Variants in ARPC3 observed in about 807,000 individuals in gnomAD.
ARPC3 encodes the protein actin-related protein 2/3 complex subunit 3.
A neutral mutation model predicts 27.6 loss-of-function variants in ARPC3; 12 were observed. The observed-to-expected ratio is 0.43, with a 90% CI of 0.28 to 0.70. The LOEUF is 0.70. Among genes scored for constraint, ARPC3 ranks in the 30% least tolerant of loss-of-function variants. The pLI is 0.17. For missense variants in ARPC3, 153 were observed against 207.7 expected, an observed-to-expected ratio of 0.74 and a Z score of 1.62; for synonymous variants, 53 against 67.2, an observed-to-expected ratio of 0.79 and a Z score of 1.03.
intron 3 of ARPC3, 131 bp from the exon 4 acceptor site, chr12:110,437,283 C>T: frequency 1.4e-6 from 1 of 699,084 alleles, no homozygotes; most frequent in Admixed American, 2.1e-5. Flanking sequence ...CACATCAAAA[C>T]TCCCATTCTC....
At chr12:110,444,264 C>A (rs938667006) in intron 2 of ARPC3, among the ~76,000 whole-genome samples, 3 of 151,738 alleles carry the variant, frequency 2.0e-5, no homozygotes, top group African/African-American at 7.3e-5. Context: ...AGCCATCACG[C>A]CTGGCCTTTG....
Position 110,434,914 on chromosome 12 carries a change from ATTTC to A in ARPC3, c.*237_*240del, listed in dbSNP as rs1409538100. ...GTTTTTCTGACATGGAATGTTAGAA[ATTTC>A]TTTATTATTACTTATTCTTATTAAG... On this transcript the variant is annotated 3_prime_UTR_variant, in exon 7 of 7. Coordinates refer to ENST00000228825, the MANE Select transcript of ARPC3 (RefSeq NM_001278556.2). 7 of 669,144 alleles carry A rather than the reference ATTTC, an allele frequency of 1.0e-5. No homozygotes were observed. Among genetic ancestry groups the A allele is most frequent in the Admixed American group, 2.2e-5 (1 of 45,156 alleles). The allele number at this position is 669,144 out of a possible 1,614,324, so 41.5% of individuals were successfully genotyped here.
At chr12:110,447,913 G>A (rs2062475079) in intron 1 of ARPC3, among the ~76,000 whole-genome samples, 1 of 128,300 alleles carries the variant, frequency 7.8e-6, no homozygotes. Context: ...TTTTTTTGGA[G>A]ACAGAGTTTC....
intron 2 of ARPC3, among the ~76,000 whole-genome samples, chr12:110,441,867 C>T (rs746999030): frequency 6.6e-6 from 1 of 151,446 alleles, no homozygotes; most frequent in Non-Finnish European, 1.5e-5. Flanking sequence ...TGCGCCTCTA[C>T]TAAAAATACA....
At chr12:110,436,410 TG>T (rs2062403974) in intron 5 of ARPC3, 146 bp downstream of exon 5, 1 of 1,397,384 alleles carries the variant, frequency 7.2e-7, no homozygotes, top group African/African-American at 1.4e-5. Context: ...AAGAATCGTT[TG>T]TGAGAGTGAC....
chr12:110,437,670 G>A (rs1289639263), intron 3 of ARPC3, among the ~76,000 whole-genome samples: 2 of 151,916 alleles, frequency 1.3e-5, no homozygotes. Flanking sequence ...GCTCGGCTGA[G>A]TGGCTGCTCT....
At chr12:110,446,599 G>C (rs1411265152) in intron 1 of ARPC3, among the ~76,000 whole-genome samples, 1 of 143,620 alleles carries the variant, frequency 7.0e-6, no homozygotes, top group African/African-American at 2.6e-5. Flanking sequence ...ACTGCACTTG[G>C]CCTACTTCCT....
At chr12:110,443,388 A>C (rs2062448388) in intron 2 of ARPC3, among the ~76,000 whole-genome samples, 1 of 151,956 alleles carries the variant, frequency 6.6e-6, no homozygotes, top group Admixed American at 6.6e-5. Flanking sequence ...AAAGTGCTAA[A>C]GTACTGGGAT....
intron 2 of ARPC3, chr12:110,442,910 C>G (rs989616336): frequency 6.6e-6 from 1 of 151,948 alleles, no homozygotes; most frequent in Non-Finnish European, 1.5e-5. Context: ...GGTCAAAATC[C>G]CAGGGTCTTG....
intron 1 of ARPC3, among the ~76,000 whole-genome samples, chr12:110,448,415 G>A (rs2062477690): frequency 6.6e-6 from 1 of 152,098 alleles, no homozygotes; most frequent in African/African-American, 2.4e-5. Context: ...GGTGGCTCAT[G>A]TCTGTAATCC....
At chr12:110,437,775 A>T (rs1263637120) in intron 3 of ARPC3, among the ~76,000 whole-genome samples, 1 of 152,150 alleles carries the variant, frequency 6.6e-6, no homozygotes, top group South Asian at 2.1e-4. Context: ...AGCTGCCTGG[A>T]AAGCCTGAAC....
chr12:110,446,407 C>T (rs2062464897), intron 1 of ARPC3, among the ~76,000 whole-genome samples: 1 of 151,376 alleles, frequency 6.6e-6, no homozygotes, highest in Non-Finnish European at 1.5e-5. Context: ...AAGTGATTCT[C>T]CTGCCTCAGC....
At chr12:110,439,911 G>T (rs1372006513) in intron 3 of ARPC3, among the ~76,000 whole-genome samples, 1 of 152,194 alleles carries the variant, frequency 6.6e-6, no homozygotes, top group African/African-American at 2.4e-5. Context: ...CTAGCAAGGG[G>T]TTGGCAAACT....
chr12:110,445,348 A>G (rs2062458394), intron 2 of ARPC3, 104 bp downstream of exon 2: 1 of 892,208 alleles, frequency 1.1e-6, no homozygotes, highest in African/African-American at 1.6e-5. Context: ...GTACAAGGGC[A>G]ATTTGAGAGA....
chr12:110,446,738 A>G lies in ARPC3; in HGVS notation c.7-1187T>C, dbSNP rs1390753871. 2.6e-5 allele frequency among the ~76,000 whole-genome samples: 4 copies of G among 150,974 alleles called. No homozygotes were observed. The East Asian group carries it at 7.8e-4, about 29-fold the overall frequency. On this transcript the variant is annotated intron_variant, in intron 1 of 6. Coordinates refer to ENST00000228825, the MANE Select transcript of ARPC3 (RefSeq NM_001278556.2). ...ATTCTCCTGCCCCAGCCTCCCAAGT[A>G]GCTGGGATTACAGGTGCGTGCCACC...
chr12:110,449,089 T>A (rs2062483984), intron 1 of ARPC3, among the ~76,000 whole-genome samples: 1 of 151,986 alleles, frequency 6.6e-6, no homozygotes, highest in Admixed American at 6.6e-5. Context: ...TCTAGCTTCT[T>A]TATAGCATTT....
intron 3 of ARPC3, among the ~76,000 whole-genome samples, chr12:110,437,511 G>A (rs577733003): frequency 1.3e-5 from 2 of 152,116 alleles, no homozygotes; most frequent in Admixed American, 6.6e-5. Flanking sequence ...GGGATTACAG[G>A]TGCCCGCCAC....
intron 2 of ARPC3, among the ~76,000 whole-genome samples, chr12:110,441,196 A>T (rs1333349107): frequency 7.0e-6 from 1 of 143,210 alleles, no homozygotes; most frequent in Non-Finnish European, 1.5e-5. Flanking sequence ...CTGGAGTGAA[A>T]TGGCATGATC....
At chr12:110,448,165 C>T (rs953682734) in intron 1 of ARPC3, among the ~76,000 whole-genome samples, 8 of 152,074 alleles carry the variant, frequency 5.3e-5, no homozygotes, top group Admixed American at 1.3e-4. Flanking sequence ...CAGGCATAAG[C>T]CACTGCACCC....
Sources: gnomAD v4.1 joint callset for allele counts (sites outside exome capture counted in the v4.1 genomes callset) on GRCh38, gnomAD v4.1.1 for gene constraint, MANE v1.5 for transcripts, NCBI Gene and HGNC (gene_info 2026-07-23, HGNC 2026-07-21) for gene names.